Variants in USH2A observed in about 807,000 individuals in gnomAD.
USH2A encodes the protein usherin.
A neutral mutation model predicts 538.9 loss-of-function variants in USH2A; 443 were observed. The observed-to-expected ratio is 0.82, with a 90% CI of 0.76 to 0.89. The LOEUF (loss-of-function observed/expected upper bound fraction) is 0.89. USH2A is among the 40% of genes least tolerant of loss of function. The probability of loss-of-function intolerance (pLI) is 0.00; values close to 1 mark genes in which losing one functional copy is unlikely to be tolerated. For synonymous variants in USH2A, 2,413 were observed against 2,273.5 expected (o/e 1.06, Z -1.75); for missense variants, 6,633 against 6,324.8 (o/e 1.05, Z -1.65).
chr1:216,390,385 T>C lies in USH2A; in HGVS notation c.652-25300A>G, dbSNP rs576999657. Among the ~76,000 whole-genome samples the C allele has an allele frequency of 6.9e-4, 105 of 152,234 alleles. 1 individual carries two copies. The highest frequency in any genetic ancestry group is 2.4e-3 in the African/African-American group (99 of 41,550). ...CAGCATCTTAAAAATTGAACATAAC[T>C]GAAAAGTTGACAATACAATACCATA... On this transcript the variant is annotated intron_variant, in intron 3 of 71. Transcript: ENST00000307340.
intron 61 of USH2A, among the ~76,000 whole-genome samples, chr1:215,719,039 C>A (rs1659576217): frequency 6.6e-6 from 1 of 152,210 alleles, no homozygotes; most frequent in South Asian, 2.1e-4. Context: ...AGTCTCCCCA[C>A]CAACTAACTG....
At chr1:215,992,695 A>AAAGTC (rs990049464) in intron 35 of USH2A, among the ~76,000 whole-genome samples, 4 of 152,186 alleles carry the variant, frequency 2.6e-5, no homozygotes, top group Non-Finnish European at 5.9e-5. Flanking sequence ...TTAAAAACAG[A>AAAGTC]AAGTCATTGA....
At chr1:216,220,396 G>C (rs574768082) in intron 14 of USH2A, among the ~76,000 whole-genome samples, 1 of 148,648 alleles carries the variant, frequency 6.7e-6, no homozygotes, top group South Asian at 2.2e-4. Flanking sequence ...TCACAATCTC[G>C]TATGCAAGAA....
At chr1:216,377,902 A>G (rs1440016367) in intron 3 of USH2A, among the ~76,000 whole-genome samples, 1 of 144,386 alleles carries the variant, frequency 6.9e-6, no homozygotes, top group Non-Finnish European at 1.5e-5. Flanking sequence ...GAAGAAAGAA[A>G]GAGAAAGAAA....
chr1:216,310,072 G>A (rs967559132), intron 9 of USH2A, among the ~76,000 whole-genome samples: 1 of 151,958 alleles, frequency 6.6e-6, no homozygotes, highest in Non-Finnish European at 1.5e-5. Context: ...AAATGAGCTG[G>A]TTTTATTCTT....
chr1:216,058,615 C>T (rs1300194537), intron 30 of USH2A, among the ~76,000 whole-genome samples: 1 of 127,214 alleles, frequency 7.9e-6, no homozygotes, highest in African/African-American at 3.3e-5. Flanking sequence ...ACCCTACCAA[C>T]ATATTTTTTT....
chr1:216,148,246 T>A (rs1451800452), intron 21 of USH2A, among the ~76,000 whole-genome samples: 2 of 151,708 alleles, frequency 1.3e-5, no homozygotes, highest in Non-Finnish European at 2.9e-5. Context: ...GGTGCCAACT[T>A]AGACAATACT....
rs538926018 is a variant in USH2A at position 216,245,694 on chromosome 1, C to T, written c.2809+891G>A. Among the ~76,000 whole-genome samples the T allele has an allele frequency of 2.0e-5, 3 of 152,174 alleles. No homozygotes were observed. In the East Asian group the frequency reaches 5.8e-4, roughly 29 times the overall value. On this transcript the variant is annotated intron_variant, in intron 13 of 71. Coordinates refer to ENST00000307340, the MANE Select transcript of USH2A (RefSeq NM_206933.4). ...AAAAGAATGAACTCTTCATCAATTC[C>T]TTCTTGTCTCTTTGATCTTACACAC...
intron 21 of USH2A, among the ~76,000 whole-genome samples, chr1:216,119,583 A>T (rs1571976355): frequency 6.6e-6 from 1 of 152,256 alleles, no homozygotes; most frequent in South Asian, 2.1e-4. Flanking sequence ...TTGGTAAAAG[A>T]TGATGTATTT....
chr1:215,807,359 T>C (rs1662532942), intron 49 of USH2A, among the ~76,000 whole-genome samples: 1 of 152,112 alleles, frequency 6.6e-6, no homozygotes, highest in African/African-American at 2.4e-5. Flanking sequence ...ATAGCAGCAA[T>C]AGGAAACAAA....
At chr1:216,377,123 T>C (rs2038837115) in intron 3 of USH2A, among the ~76,000 whole-genome samples, 1 of 152,176 alleles carries the variant, frequency 6.6e-6, no homozygotes, top group Non-Finnish European at 1.5e-5. Context: ...TGAAGAGCCA[T>C]GTTAAACAAA....
At chr1:216,013,781 G>A (rs1217739651) in intron 32 of USH2A, among the ~76,000 whole-genome samples, 1 of 151,912 alleles carries the variant, frequency 6.6e-6, no homozygotes, top group African/African-American at 2.4e-5. Context: ...TCTCTTTTCG[G>A]ACTCAGCCCA....
intron 40 of USH2A, among the ~76,000 whole-genome samples, chr1:215,897,403 T>G (rs1334987131): frequency 1.3e-5 from 2 of 152,146 alleles, no homozygotes; most frequent in African/African-American, 4.8e-5. Flanking sequence ...AATTGCACTT[T>G]GGGTTGGGTG....
intron 22 of USH2A, among the ~76,000 whole-genome samples, chr1:216,094,121 A>G (rs939835116): frequency 2.0e-5 from 3 of 152,124 alleles, no homozygotes; most frequent in African/African-American, 7.2e-5. Context: ...GAAGGGGAAA[A>G]AGCAGAGCCA....
intron 57 of USH2A, among the ~76,000 whole-genome samples, chr1:215,759,286 G>C (rs1398198324): frequency 6.6e-6 from 1 of 152,092 alleles, no homozygotes; most frequent in Non-Finnish European, 1.5e-5. Flanking sequence ...GTAGCAAGTA[G>C]AGAAACACTG....
intron 47 of USH2A, among the ~76,000 whole-genome samples, chr1:215,819,386 T>G (rs529416577): frequency 1.4e-5 from 2 of 145,444 alleles, no homozygotes; most frequent in Admixed American, 1.4e-4. Flanking sequence ...AAGATAAACC[T>G]CAACATTTTC....
intron 32 of USH2A, among the ~76,000 whole-genome samples, chr1:216,010,814 C>T (rs1043958234): frequency 6.6e-6 from 1 of 151,930 alleles, no homozygotes; most frequent in Non-Finnish European, 1.5e-5. Context: ...TGGACTACAG[C>T]TACATCTCAT....
chr1:216,376,745 C>A (rs1379961342), intron 3 of USH2A, among the ~76,000 whole-genome samples: 3 of 152,072 alleles, frequency 2.0e-5, no homozygotes, highest in Non-Finnish European at 4.4e-5. Flanking sequence ...TCAGAAGGGC[C>A]ATCAATCAGG....
At chr1:216,149,774 G>A (rs921164295) in intron 21 of USH2A, among the ~76,000 whole-genome samples, 1 of 152,048 alleles carries the variant, frequency 6.6e-6, no homozygotes, top group Non-Finnish European at 1.5e-5. Flanking sequence ...TTCTTGTTAA[G>A]AATCTGACCC....
Sources: allele counts gnomAD v4.1 joint callset (sites outside exome capture counted in the v4.1 genomes callset), GRCh38; gene constraint gnomAD v4.1.1; transcripts MANE v1.5; gene names NCBI Gene and HGNC (gene_info 2026-07-23, HGNC 2026-07-21).